TAFA2: variants seen among roughly 807,000 people sequenced by gnomAD.
TAFA2 encodes the protein TAFA chemokine like family member 2.
A neutral mutation model predicts 18.8 loss-of-function variants in TAFA2; 7 were observed. The ratio of observed to expected loss-of-function variants is 0.37; its 90% CI spans 0.21 to 0.70. The LOEUF (loss-of-function observed/expected upper bound fraction) is 0.70. TAFA2 is among the 30% of genes least tolerant of loss of function. The pLI, the probability that TAFA2 is intolerant of heterozygous loss-of-function variation, is 0.53. For synonymous variants in TAFA2, 60 were observed against 54.2 expected, an observed-to-expected ratio of 1.11 and a Z score of -0.47; for missense variants, 122 against 158.1, an observed-to-expected ratio of 0.77 and a Z score of 1.23.
chr12:61,843,056 G>A (rs1873252365), intron 2 of TAFA2, among the ~76,000 whole-genome samples: 1 of 152,010 alleles, frequency 6.6e-6, no homozygotes, highest in Non-Finnish European at 1.5e-5. Context: ...TATGGAGAGA[G>A]AGACTAAGGG....
At chr12:61,837,804 T>C (rs1872997632) in intron 2 of TAFA2, among the ~76,000 whole-genome samples, 2 of 152,058 alleles carry the variant, frequency 1.3e-5, no homozygotes, top group Non-Finnish European at 1.5e-5. Flanking sequence ...AAAGTGATTA[T>C]AATTTTAATA....
At chr12:62,204,877 T>A (rs2062685568) in intron 1 of TAFA2, among the ~76,000 whole-genome samples, 1 of 152,038 alleles carries the variant, frequency 6.6e-6, no homozygotes, top group Admixed American at 6.5e-5. Context: ...GCTGGGGAGG[T>A]GCTATGATCA....
chr12:62,236,272 CT>C lies in TAFA2; in HGVS notation c.-130+22490del, dbSNP rs58214265. 7.7e-3 allele frequency among the ~76,000 whole-genome samples: 933 copies of C among 120,612 alleles called. 4 individuals carry two copies. Among genetic ancestry groups the C allele is most frequent in the African/African-American group, 0.023 (809 of 35,818 alleles). 79.1% of individuals were successfully genotyped at this position (120,612 alleles called of 152,430 possible). A position where few individuals can be genotyped will look rare whatever the true frequency, so the allele number is the denominator to read the frequency against. ...CAAATGTTTTTTTTCTTTTTTTTTTCTTTTTTTTTTTTGAGCCAGTCTCACT... is the reference window on the plus strand; with the variant it reads ...CAAATGTTTTTTTTCTTTTTTTTTTCTTTTTTTTTTTGAGCCAGTCTCACT... On this transcript the variant is annotated intron_variant, in intron 1 of 5. Transcript: ENST00000551619.
Position 61,773,860 on chromosome 12 carries a change from A to G in TAFA2, c.107-18836T>C, listed in dbSNP as rs533368640. On this transcript the variant is annotated intron_variant, in intron 2 of 4. Coordinates refer to ENST00000416284, the MANE Select transcript of TAFA2 (RefSeq NM_178539.5). Reference sequence around the variant, plus strand: ...AAGAAAGATAAATATATGGGACTTAATTAAACTAAAAAGCTTCTGTACAGC... The same window carrying G: ...AAGAAAGATAAATATATGGGACTTAGTTAAACTAAAAAGCTTCTGTACAGC... Among the ~76,000 whole-genome samples, 7 of 152,216 alleles carry G rather than the reference A, an allele frequency of 4.6e-5. No individual in the cohort carries two copies. In the South Asian group the frequency reaches 1.5e-3, roughly 32 times the overall value.
At chr12:61,972,003 A>G (rs1017610806) in intron 1 of TAFA2, among the ~76,000 whole-genome samples, 15 of 151,714 alleles carry the variant, frequency 9.9e-5, no homozygotes, top group African/African-American at 2.9e-4. Context: ...GGATGCCACG[A>G]CCATTCAATG....
intron 1 of TAFA2, among the ~76,000 whole-genome samples, chr12:61,933,007 CA>C (rs1465162769): frequency 6.6e-6 from 1 of 152,140 alleles, no homozygotes; most frequent in East Asian, 1.9e-4. Context: ...TTAAAGGCAA[CA>C]TGAAAGCCAG....
intron 2 of TAFA2, among the ~76,000 whole-genome samples, chr12:61,841,493 A>G (rs141248823): frequency 2.2e-4 from 34 of 152,114 alleles, no homozygotes; most frequent in African/African-American, 6.5e-4. Flanking sequence ...TCTCCATTCT[A>G]TTGGTCTATA....
intron 1 of TAFA2, among the ~76,000 whole-genome samples, chr12:62,089,859 T>G (rs1429186731): frequency 6.6e-6 from 1 of 152,092 alleles, no homozygotes; most frequent in Non-Finnish European, 1.5e-5. Flanking sequence ...CAAATATCAT[T>G]CATCTTGCCA....
chr12:61,968,669 C>CTAA (rs1424484452), intron 1 of TAFA2, among the ~76,000 whole-genome samples: 2 of 151,680 alleles, frequency 1.3e-5, no homozygotes, highest in Non-Finnish European at 3.0e-5. Context: ...AGTCACTGTG[C>CTAA]TAATCATTTT....
chr12:62,134,193 C>T (rs1870803177), intron 1 of TAFA2, among the ~76,000 whole-genome samples: 1 of 151,896 alleles, frequency 6.6e-6, no homozygotes, highest in Non-Finnish European at 1.5e-5. Flanking sequence ...ACAGCCTTTC[C>T]CAGATTGCTA....
intron 1 of TAFA2, among the ~76,000 whole-genome samples, chr12:61,954,058 T>C (rs1229583891): frequency 1.3e-5 from 2 of 152,198 alleles, no homozygotes; most frequent in South Asian, 4.1e-4. Context: ...GGACTTTTAG[T>C]GTAGCCATCA....
intron 4 of TAFA2, among the ~76,000 whole-genome samples, chr12:61,729,728 A>G (rs1870350625): frequency 6.6e-6 from 1 of 152,026 alleles, no homozygotes. Context: ...CTGGCAATTC[A>G]GAGATTTCTT....
chr12:61,811,163 GTTA>G (rs1418432281), intron 2 of TAFA2, among the ~76,000 whole-genome samples: 3 of 151,186 alleles, frequency 2.0e-5, no homozygotes, highest in Non-Finnish European at 4.4e-5. Flanking sequence ...ACAAATATTA[GTTA>G]TTAGTAGTAA....
intron 1 of TAFA2, among the ~76,000 whole-genome samples, chr12:61,904,018 G>A (rs996701791): frequency 3.3e-5 from 5 of 152,106 alleles, no homozygotes; most frequent in African/African-American, 1.2e-4. Context: ...GAAGATTTCT[G>A]TATCTTCAAA....
intron 2 of TAFA2, among the ~76,000 whole-genome samples, chr12:61,804,791 A>G (rs1216121205): frequency 6.6e-6 from 1 of 152,042 alleles, no homozygotes; most frequent in Non-Finnish European, 1.5e-5. Context: ...TGCTATTATT[A>G]CTACTTTTCA....
intron 1 of TAFA2, chr12:61,880,141 C>A: frequency 1.7e-6 from 1 of 580,710 alleles, no homozygotes; most frequent in South Asian, 1.7e-5. Flanking sequence ...TCGCCAACTG[C>A]AGCTGGGCTA....
chr12:62,257,666 CAG>C (rs2136998412), intron 1 of TAFA2, among the ~76,000 whole-genome samples: 1 of 152,210 alleles, frequency 6.6e-6, no homozygotes, highest in African/African-American at 2.4e-5. Context: ...AAAAAAGGTA[CAG>C]AGAGTCTGAG....
At chr12:61,747,801 C>A (rs1342024818) in intron 4 of TAFA2, among the ~76,000 whole-genome samples, 1 of 150,762 alleles carries the variant, frequency 6.6e-6, no homozygotes, top group Non-Finnish European at 1.5e-5. Context: ...ACCAGCATGG[C>A]ACGTGTATAC....
intron 1 of TAFA2, among the ~76,000 whole-genome samples, chr12:62,160,545 G>A (rs2062399725): frequency 1.3e-5 from 2 of 152,148 alleles, no homozygotes; most frequent in Admixed American, 6.6e-5. Context: ...TTAAATAAAT[G>A]TTGCTAAATG....
Sources: allele counts gnomAD v4.1 joint callset (sites outside exome capture counted in the v4.1 genomes callset), GRCh38; gene constraint gnomAD v4.1.1; transcripts MANE v1.5; gene names NCBI Gene and HGNC (gene_info 2026-07-23, HGNC 2026-07-21).